The following SPEF2 variants were observed in gnomAD, a reference collection of about 807,000 sequenced individuals.
SPEF2 encodes sperm flagella and cilia-associated protein 2.
A neutral mutation model predicts 224.6 loss-of-function variants in SPEF2; 187 were observed. That is an observed-to-expected ratio of 0.83 (90% CI 0.74 to 0.94). The LOEUF is 0.94. Ranked by LOEUF, SPEF2 falls within the 40% of genes least tolerant of loss-of-function variation. The pLI, the probability that SPEF2 is intolerant of heterozygous loss-of-function variation, is 0.00. For missense variants in SPEF2, 2,170 were observed against 2,135.6 expected, an observed-to-expected ratio of 1.02 and a Z score of -0.32; for synonymous variants, 715 against 707.3, an observed-to-expected ratio of 1.01 and a Z score of -0.17.
chr5:35,813,257 CTGAGG>C (rs1469715022), intron 36 of SPEF2, among the ~76,000 whole-genome samples: 2 of 152,124 alleles, frequency 1.3e-5, no homozygotes, highest in African/African-American at 4.8e-5. Context: ...CTTTGGGAGG[CTGAGG>C]TGGGAGGATT....
chr5:35,720,725 T>C (rs1010245547), intron 20 of SPEF2, among the ~76,000 whole-genome samples: 58 of 152,300 alleles, frequency 3.8e-4, no homozygotes, highest in Middle Eastern at 6.8e-3. Flanking sequence ...ATTAGCATTA[T>C]TCATCAAGAT....
At chr5:35,750,998 T>TACAC in intron 23 of SPEF2, among the ~76,000 whole-genome samples, 1 of 68,330 alleles carries the variant, frequency 1.5e-5, no homozygotes, top group African/African-American at 4.5e-5. Flanking sequence ...TATATATATG[T>TACAC]ATATATATAT....
intron 36 of SPEF2, chr5:35,807,912 A>G (rs1273016366): frequency 1.4e-6 from 2 of 1,441,422 alleles, no homozygotes; most frequent in Admixed American, 2.6e-5. Context: ...ACCCCCTTTC[A>G]TACTGTAGCA....
intron 18 of SPEF2, among the ~76,000 whole-genome samples, chr5:35,707,600 G>A (rs1412177402): frequency 2.0e-5 from 3 of 152,124 alleles, no homozygotes; most frequent in Non-Finnish European, 2.9e-5. Flanking sequence ...AGAGCTGTGG[G>A]CCTCTGCAGT....
chr5:35,784,545 G>A (rs1379292349), intron 30 of SPEF2, among the ~76,000 whole-genome samples: 1 of 152,230 alleles, frequency 6.6e-6, no homozygotes, highest in East Asian at 1.9e-4. Context: ...TTCAAAGGCA[G>A]AACTAGCTAT....
chr5:35,725,111 C>T (rs886772154), intron 20 of SPEF2, among the ~76,000 whole-genome samples: 6 of 152,218 alleles, frequency 3.9e-5, no homozygotes, highest in African/African-American at 1.4e-4. Flanking sequence ...CAGTCTCTGG[C>T]TCCTTGCCTA....
intron 23 of SPEF2, among the ~76,000 whole-genome samples, chr5:35,751,015 A>ATATATATACG (rs1769996101): frequency 1.8e-5 from 2 of 113,666 alleles, no homozygotes; most frequent in Non-Finnish European, 3.6e-5. Flanking sequence ...ATATATACGT[A>ATATATATACG]TATATATACG....
At position 35,700,735 on chromosome 5, in the gene SPEF2, G is replaced by A. The variant is rs200782940; in HGVS notation, c.2381G>A (p.Arg794His). 1.7e-4 allele frequency: 269 copies of A among 1,613,718 alleles called. 1 individual carries two copies. Among genetic ancestry groups the A allele is most frequent in the African/African-American group, 1.3e-3 (94 of 75,028 alleles). The change falls in exon 16 of 37, where the codon CGC becomes CAC. Residue 794 changes from arginine to histidine, a missense_variant. By Grantham distance (29) the Arg-to-His change is conservative (BLOSUM62 0). Coordinates refer to ENST00000356031, the MANE Select transcript of SPEF2 (RefSeq NM_024867.4). ...GTTTCAGATACTTCCTCAATGAGTCGCATGAATGATATTATAGGTAAGCTG... is the reference window on the plus strand; with the variant it reads ...GTTTCAGATACTTCCTCAATGAGTCACATGAATGATATTATAGGTAAGCTG... ...LDVSDTSSMS[R>H]MNDIIAEELS...
chr5:35,632,638 T>A (rs984238922), intron 2 of SPEF2, among the ~76,000 whole-genome samples: 1 of 152,212 alleles, frequency 6.6e-6, no homozygotes, highest in Non-Finnish European at 1.5e-5. Context: ...TGTAGTTTCT[T>A]GTTATGGATA....
intron 29 of SPEF2, among the ~76,000 whole-genome samples, chr5:35,776,996 C>G (rs558855586): frequency 9.9e-5 from 15 of 152,264 alleles, no homozygotes; most frequent in Middle Eastern, 6.8e-3. Context: ...GGAGCCCCAT[C>G]TTGTCCACAA....
In SPEF2 at chr5:35,763,633, C is replaced by T. The variant is rs1262493730; in HGVS notation, c.3732C>T (p.Ser1244=). ...KMDNSLENVE[S]NFEADEKLVM... ...ATAACTCCCTAGAAAACGTTGAGTC[C>T]AACTTTGAGGCCGATGAAAAGTTGG... The change falls in exon 26 of 37, where the codon TCC becomes TCT. Residue 1244 remains serine, a synonymous_variant. Coordinates refer to ENST00000356031, the MANE Select transcript of SPEF2 (RefSeq NM_024867.4). 3.7e-6 allele frequency: 6 copies of T among 1,613,850 alleles called. No homozygotes were observed. Among genetic ancestry groups the T allele is most frequent in the Non-Finnish European group, 3.4e-6 (4 of 1,179,908 alleles).
intron 27 of SPEF2, among the ~76,000 whole-genome samples, chr5:35,773,377 C>CA (rs1753142511): frequency 6.6e-6 from 1 of 152,046 alleles, no homozygotes. Flanking sequence ...AAGACTGTCT[C>CA]AAAAAATAAT....
chr5:35,755,652 C>G (rs1750327431), intron 24 of SPEF2, among the ~76,000 whole-genome samples: 1 of 152,154 alleles, frequency 6.6e-6, no homozygotes. Flanking sequence ...CTCTTGCACC[C>G]AGGTTGGAGT....
chr5:35,765,547 A>G (rs1288807109), intron 26 of SPEF2, among the ~76,000 whole-genome samples: 1 of 152,158 alleles, frequency 6.6e-6, no homozygotes, highest in Non-Finnish European at 1.5e-5. Flanking sequence ...GTTTCACCGC[A>G]CTATCATCTT....
chr5:35,747,647 A>T lies in SPEF2; in HGVS notation c.3331-5977A>T, dbSNP rs572572340. 2.6e-5 allele frequency among the ~76,000 whole-genome samples: 4 copies of T among 152,324 alleles called. No homozygotes were observed. The South Asian group carries it at 8.3e-4, about 32-fold the overall frequency. On this transcript the variant is annotated intron_variant, in intron 23 of 36. Coordinates refer to ENST00000356031, the MANE Select transcript of SPEF2 (RefSeq NM_024867.4). ...ACAGGAAAATATCACAATCCTAAACATATATGCACCTAACACTGGAGCTCC... is the reference window on the plus strand; with the variant it reads ...ACAGGAAAATATCACAATCCTAAACTTATATGCACCTAACACTGGAGCTCC...
At chr5:35,621,509 T>A (rs1743504193) in intron 1 of SPEF2, among the ~76,000 whole-genome samples, 1 of 152,186 alleles carries the variant, frequency 6.6e-6, no homozygotes, top group Non-Finnish European at 1.5e-5. Flanking sequence ...CATGAATATA[T>A]ATGTTTAAGT....
At chr5:35,757,951 A>T (rs1022693371) in intron 24 of SPEF2, among the ~76,000 whole-genome samples, 5 of 152,216 alleles carry the variant, frequency 3.3e-5, no homozygotes, top group African/African-American at 4.8e-5. Flanking sequence ...CGAATAGCAC[A>T]GAAAACAGCT....
intron 1 of SPEF2, among the ~76,000 whole-genome samples, chr5:35,624,743 T>C (rs1046515028): frequency 2.0e-5 from 3 of 152,140 alleles, no homozygotes; most frequent in Non-Finnish European, 4.4e-5. Flanking sequence ...TTCAAGCAAT[T>C]CCCCTGCCTC....
chr5:35,732,096 G>A (rs552112462), intron 21 of SPEF2, among the ~76,000 whole-genome samples: 3 of 152,266 alleles, frequency 2.0e-5, no homozygotes, highest in Admixed American at 2.0e-4. Flanking sequence ...ATCATTTGGA[G>A]CCTGCACAGC....
Sources: gnomAD v4.1 joint callset for allele counts (sites outside exome capture counted in the v4.1 genomes callset) on GRCh38, gnomAD v4.1.1 for gene constraint, MANE v1.5 for transcripts, NCBI Gene and HGNC (gene_info 2026-07-23, HGNC 2026-07-21) for gene names.